Variants in CPNE4 observed in about 807,000 individuals in gnomAD.
The protein encoded by CPNE4 is copine 4.
In CPNE4, 25 loss-of-function variants were observed where a neutral mutation model predicts 67.9. The ratio of observed to expected loss-of-function variants is 0.37; its 90% CI spans 0.27 to 0.51. The LOEUF is 0.51. Among genes scored for constraint, CPNE4 ranks in the 20% least tolerant of loss-of-function variants. The probability of loss-of-function intolerance (pLI) is 0.93; values close to 1 mark genes in which losing one functional copy is unlikely to be tolerated. For synonymous variants in CPNE4, 242 were observed against 244.9 expected (o/e 0.99, Z 0.11); for missense variants, 464 against 690.8 (o/e 0.67, Z 3.68).
chr3:132,009,901 A>G (rs945116931), intron 1 of CPNE4, among the ~76,000 whole-genome samples: 2 of 152,210 alleles, frequency 1.3e-5, no homozygotes, highest in African/African-American at 2.4e-5. Flanking sequence ...AACTTCCTAT[A>G]ATGCACAGGA....
At chr3:131,931,726 C>T (rs1005284399) in intron 1 of CPNE4, among the ~76,000 whole-genome samples, 2 of 152,164 alleles carry the variant, frequency 1.3e-5, no homozygotes, top group Non-Finnish European at 1.5e-5. Flanking sequence ...AGTCAGTTGG[C>T]ACATTTTTTG....
At chr3:131,577,960 C>T (rs1030612806) in intron 9 of CPNE4, among the ~76,000 whole-genome samples, 1 of 152,064 alleles carries the variant, frequency 6.6e-6, no homozygotes, top group Non-Finnish European at 1.5e-5. Context: ...AGTGGGGTTA[C>T]ATGCTAATAA....
chr3:131,636,071 A>C lies in CPNE4; in HGVS notation c.681+33604T>G, dbSNP rs1185680192. On this transcript the variant is annotated intron_variant, in intron 7 of 15. Transcript: ENST00000429747. ...ACTCCAGCCTGGGCGACAGAGCGAG[A>C]CTCCGTCTCAAAAAAAAAAAAAAAG... 7.3e-5 allele frequency among the ~76,000 whole-genome samples: 6 copies of C among 82,596 alleles called. 1 individual carries two copies. The highest frequency in any genetic ancestry group is 1.2e-4 in the Non-Finnish European group (6 of 50,114). The allele number at this position is 82,596 out of a possible 152,430, so 54.2% of individuals were successfully genotyped here.
chr3:132,023,288 A>G (rs9878909), intron 1 of CPNE4, among the ~76,000 whole-genome samples: 84,459 of 151,836 alleles, frequency 0.56, 24,047 homozygotes, highest in South Asian at 0.64. Context: ...AGTGCCGTGT[A>G]CCCAGAGAAA....
intron 1 of CPNE4, among the ~76,000 whole-genome samples, chr3:132,016,370 C>G (rs1471642456): frequency 3.3e-5 from 5 of 152,206 alleles, no homozygotes; most frequent in African/African-American, 1.2e-4. Context: ...TCAACATTCT[C>G]TCTTCAACTT....
chr3:131,658,004 T>G (rs935874750), intron 7 of CPNE4, among the ~76,000 whole-genome samples: 1 of 152,196 alleles, frequency 6.6e-6, no homozygotes, highest in Admixed American at 6.5e-5. Context: ...TTTTCTATGC[T>G]CACCAAATAA....
chr3:131,543,561 A>G (rs79763832), intron 14 of CPNE4, among the ~76,000 whole-genome samples: 7,128 of 152,322 alleles, frequency 0.047, 222 homozygotes, highest in Middle Eastern at 0.11. Context: ...TATACAAAAT[A>G]GAATGCAAAT....
intron 2 of CPNE4, among the ~76,000 whole-genome samples, chr3:131,823,169 T>C (rs1317072025): frequency 6.6e-6 from 1 of 152,220 alleles, no homozygotes; most frequent in African/African-American, 2.4e-5. Context: ...ACAAGTTTTT[T>C]TATGCAGGAA....
chr3:131,651,179 A>G (rs1157733372), intron 7 of CPNE4, among the ~76,000 whole-genome samples: 2 of 152,170 alleles, frequency 1.3e-5, no homozygotes, highest in African/African-American at 4.8e-5. Context: ...GAATCCTTCA[A>G]AGGGCCTTCC....
At chr3:131,773,945 A>G (rs2083231610) in intron 2 of CPNE4, among the ~76,000 whole-genome samples, 1 of 152,170 alleles carries the variant, frequency 6.6e-6, no homozygotes, top group Non-Finnish European at 1.5e-5. Flanking sequence ...ACCATTTCCT[A>G]TTGCTGGACA....
In CPNE4 at chr3:131,542,577, G is replaced by T; in HGVS notation, c.1519C>A (p.Pro507Thr). The T allele has an allele frequency of 6.2e-7, 1 of 1,613,536 alleles. No homozygotes were observed. Among genetic ancestry groups the T allele is most frequent in the Non-Finnish European group, 8.5e-7 (1 of 1,179,494 alleles). The change falls in exon 15 of 16, where the codon CCC (proline) becomes ACC (threonine). Residue 507 changes from proline (P) to threonine (T), a missense_variant. This residue lies in a region of CPNE4 where 201 missense variants were observed against 357.7 expected (regional missense o/e 0.56). Transcript: ENST00000429747. The part of the protein sequence containing the change: ...PVLRDIVQFV[P>T]FRNFKHASPA... ...CATACGTGTTTGAAGTTCCTGAAGG[G>T]CACGAACTGGACGATGTCTCGAAGA...
intron 7 of CPNE4, among the ~76,000 whole-genome samples, chr3:131,611,282 G>A (rs1160875103): frequency 6.6e-6 from 1 of 152,132 alleles, no homozygotes; most frequent in Non-Finnish European, 1.5e-5. Flanking sequence ...ATAGCTGAAT[G>A]CTAAGGACCA....
chr3:132,024,568 T>C (rs1209620054), intron 1 of CPNE4, among the ~76,000 whole-genome samples: 1 of 152,220 alleles, frequency 6.6e-6, no homozygotes, highest in African/African-American at 2.4e-5. Context: ...TGGTCTTCCA[T>C]TTTTTATATA....
At chr3:131,703,145 C>T (rs2081342050) in intron 3 of CPNE4, among the ~76,000 whole-genome samples, 1 of 152,186 alleles carries the variant, frequency 6.6e-6, no homozygotes, top group Non-Finnish European at 1.5e-5. Context: ...GTACACTTTG[C>T]TGCAGCTGTA....
chr3:131,708,979 T>G (rs1266452651), intron 3 of CPNE4, among the ~76,000 whole-genome samples: 2 of 95,300 alleles, frequency 2.1e-5, no homozygotes, highest in Non-Finnish European at 4.3e-5. Flanking sequence ...TATATATATA[T>G]ATATATATAT....
At chr3:131,944,650 T>C (rs2071495801) in intron 1 of CPNE4, among the ~76,000 whole-genome samples, 1 of 152,104 alleles carries the variant, frequency 6.6e-6, no homozygotes, top group African/African-American at 2.4e-5. Flanking sequence ...ATTTCCAGTT[T>C]TGCTGTTTTA....
chr3:131,703,016 G>A (rs1319371397), intron 3 of CPNE4, among the ~76,000 whole-genome samples: 1 of 152,196 alleles, frequency 6.6e-6, no homozygotes, highest in Non-Finnish European at 1.5e-5. Context: ...TGATGGACAA[G>A]AAATGAGTTG....
chr3:131,770,147 T>G (rs1409422224), intron 2 of CPNE4, among the ~76,000 whole-genome samples: 1 of 152,206 alleles, frequency 6.6e-6, no homozygotes, highest in East Asian at 1.9e-4. Flanking sequence ...TCACCCAACA[T>G]GTCTTCACAA....
chr3:131,828,050 C>T (rs1048215585), intron 2 of CPNE4, among the ~76,000 whole-genome samples: 2 of 151,524 alleles, frequency 1.3e-5, no homozygotes, highest in African/African-American at 4.9e-5. Flanking sequence ...TGTGATAAGT[C>T]ATATATATGG....
Sources: allele counts gnomAD v4.1 joint callset (sites outside exome capture counted in the v4.1 genomes callset), GRCh38; gene constraint gnomAD v4.1.1; regional missense constraint gnomAD v4.1.1; transcripts MANE v1.5; gene names NCBI Gene and HGNC (gene_info 2026-07-23, HGNC 2026-07-21).